Variants in DNM3 observed in about 807,000 individuals in gnomAD.
DNM3 encodes the protein dynamin-3.
A neutral mutation model predicts 101.6 loss-of-function variants in DNM3; 47 were observed. That is an observed-to-expected ratio of 0.46 (90% CI 0.37 to 0.59). The LOEUF (loss-of-function observed/expected upper bound fraction) is 0.59, where lower values mean the gene tolerates loss of function less well. DNM3 is among the 20% of genes least tolerant of loss of function. The pLI is 0.00. For synonymous variants in DNM3, 385 were observed against 387.9 expected, an observed-to-expected ratio of 0.99 and a Z score of 0.09; for missense variants, 849 against 1,085.7, an observed-to-expected ratio of 0.78 and a Z score of 3.06.
At chr1:171,877,928 G>A (rs1446295706) in intron 1 of DNM3, among the ~76,000 whole-genome samples, 2 of 152,132 alleles carry the variant, frequency 1.3e-5, no homozygotes, top group Non-Finnish European at 2.9e-5. Flanking sequence ...GAGAGTGGGT[G>A]TTCCTTTGTG....
rs10683483 is a variant in DNM3 at position 172,359,125 on chromosome 1, AACACAC to A, written c.1894-19861_1894-19856del. Among the ~76,000 whole-genome samples, 904 of 145,812 alleles carry A rather than the reference AACACAC, an allele frequency of 6.2e-3. 10 individuals are homozygous for A. The highest frequency in any genetic ancestry group is 0.018 in the African/African-American group (737 of 39,924). On this transcript the variant is annotated intron_variant, in intron 17 of 20. Coordinates refer to ENST00000627582, the MANE Select transcript of DNM3 (RefSeq NM_015569.5). ...ATGGGCATCTGAACAACTCCCACAAAACACACACACACACACACACACACACACACA... is the reference window on the plus strand; with the variant it reads ...ATGGGCATCTGAACAACTCCCACAAAACACACACACACACACACACACACA...
chr1:172,058,309 A>G (rs1219456556), intron 10 of DNM3, among the ~76,000 whole-genome samples: 1 of 151,776 alleles, frequency 6.6e-6, no homozygotes, highest in Non-Finnish European at 1.5e-5. Context: ...CAACAAGGAT[A>G]CCCAGGAATT....
chr1:172,410,841 A>C lies in DNM3; in HGVS notation c.*3000A>C. 5.1e-6 allele frequency: 5 copies of C among 985,288 alleles called. No homozygotes were observed. Among genetic ancestry groups the C allele is most frequent in the Non-Finnish European group, 6.0e-6 (5 of 829,818 alleles). The allele number at this position is 985,288 out of a possible 1,614,324, so 61.0% of individuals were successfully genotyped here. ...ACATAGATTAATTTTGTGACTTTTT[A>C]GTATAGACTGTAGCCATAATTCTCA... On this transcript the variant is annotated 3_prime_UTR_variant, in exon 21 of 21. Coordinates refer to ENST00000627582, the MANE Select transcript of DNM3 (RefSeq NM_015569.5).
intron 1 of DNM3, among the ~76,000 whole-genome samples, chr1:171,908,879 G>A (rs930416575): frequency 6.6e-6 from 1 of 151,952 alleles, no homozygotes; most frequent in African/African-American, 2.4e-5. Flanking sequence ...TAATGCTATA[G>A]CCATATTAAA....
chr1:172,293,357 T>A lies in DNM3; in HGVS notation c.1770-15371T>A, dbSNP rs191809565. 2.2e-4 allele frequency among the ~76,000 whole-genome samples: 34 copies of A among 152,352 alleles called. No homozygotes were observed. The East Asian group carries it at 6.2e-3, about 28-fold the overall frequency. ...CATCATGAGGTCCTGTTCTCTTTAG[T>A]GTAACGCTTAAAAGCCTTTTACCTA... On this transcript the variant is annotated intron_variant, in intron 15 of 20. Coordinates refer to ENST00000627582, the MANE Select transcript of DNM3 (RefSeq NM_015569.5).
intron 15 of DNM3, among the ~76,000 whole-genome samples, chr1:172,278,438 A>T (rs1184202583): frequency 6.6e-6 from 1 of 152,136 alleles, no homozygotes; most frequent in Non-Finnish European, 1.5e-5. Context: ...AATTGCAAGA[A>T]AACCTCACAA....
chr1:172,074,715 A>G (rs935693647), intron 11 of DNM3, among the ~76,000 whole-genome samples: 15 of 152,308 alleles, frequency 9.8e-5, no homozygotes, highest in Non-Finnish European at 2.2e-4. Flanking sequence ...CCAGTGTATC[A>G]TTGATGGCAT....
intron 4 of DNM3, among the ~76,000 whole-genome samples, chr1:172,026,656 AT>A (rs966634532): frequency 6.6e-6 from 1 of 150,418 alleles, no homozygotes; most frequent in African/African-American, 2.5e-5. Context: ...AATATTCAAC[AT>A]GCTTTTTTTT....
At chr1:172,018,187 T>C (rs2047580684) in intron 4 of DNM3, among the ~76,000 whole-genome samples, 1 of 152,156 alleles carries the variant, frequency 6.6e-6, no homozygotes, top group South Asian at 2.1e-4. Context: ...ATTTAGACCA[T>C]TGACATTCAA....
At chr1:172,031,105 A>G (rs967702715) in intron 4 of DNM3, among the ~76,000 whole-genome samples, 1 of 152,192 alleles carries the variant, frequency 6.6e-6, no homozygotes, top group East Asian at 1.9e-4. Flanking sequence ...ATGCATACAT[A>G]TGTTTATTGA....
chr1:172,239,640 T>C (rs1339394977), intron 14 of DNM3, among the ~76,000 whole-genome samples: 1 of 152,082 alleles, frequency 6.6e-6, no homozygotes, highest in Non-Finnish European at 1.5e-5. Flanking sequence ...AAGCTGAGGA[T>C]AGATGGGGCC....
chr1:171,932,100 T>C (rs1185785928), intron 2 of DNM3, among the ~76,000 whole-genome samples: 1 of 128,010 alleles, frequency 7.8e-6, no homozygotes, highest in Admixed American at 7.9e-5. Context: ...TCCTCCCTTC[T>C]TCCCTTCCTC....
chr1:172,091,073 C>T (rs756780849), intron 12 of DNM3, among the ~76,000 whole-genome samples: 18 of 152,156 alleles, frequency 1.2e-4, no homozygotes, highest in Non-Finnish European at 2.4e-4. Context: ...AGTGATGAAA[C>T]GTGTGGGCTC....
chr1:172,044,967 T>TGATGA (rs1386046017), intron 9 of DNM3, among the ~76,000 whole-genome samples: 1 of 150,916 alleles, frequency 6.6e-6, no homozygotes, highest in Non-Finnish European at 1.5e-5. Flanking sequence ...GGCAGCAGTG[T>TGATGA]GATGAGACAG....
chr1:172,266,310 A>T (rs1046549200), intron 15 of DNM3, among the ~76,000 whole-genome samples: 31 of 152,204 alleles, frequency 2.0e-4, no homozygotes, highest in African/African-American at 6.5e-4. Context: ...TTTGTCTAAA[A>T]GATCATGTCT....
At chr1:172,053,590 A>G (rs537618422) in intron 10 of DNM3, among the ~76,000 whole-genome samples, 17 of 152,334 alleles carry the variant, frequency 1.1e-4, no homozygotes, top group African/African-American at 3.8e-4. Context: ...CCTGTAACAC[A>G]GTGACCAACT....
chr1:172,279,797 C>T (rs553396249), intron 15 of DNM3, among the ~76,000 whole-genome samples: 5 of 152,266 alleles, frequency 3.3e-5, no homozygotes, highest in East Asian at 3.9e-4. Context: ...TTGGCCTCAT[C>T]GGCCTAGTCA....
intron 2 of DNM3, chr1:171,970,200 TA>T: frequency 1.6e-6 from 1 of 623,276 alleles, no homozygotes. Flanking sequence ...AAATAATTTT[TA>T]AAATAATCCA....
intron 9 of DNM3, among the ~76,000 whole-genome samples, chr1:172,045,241 A>C (rs541027774): frequency 2.0e-5 from 3 of 152,176 alleles, no homozygotes; most frequent in Non-Finnish European, 4.4e-5. Flanking sequence ...ATTACCTTCC[A>C]TCTTAGTCTG....
Sources: allele counts gnomAD v4.1 joint callset (sites outside exome capture counted in the v4.1 genomes callset), GRCh38; gene constraint gnomAD v4.1.1; transcripts MANE v1.5; gene names NCBI Gene and HGNC (gene_info 2026-07-23, HGNC 2026-07-21).